Variants in METTL15 observed in about 807,000 individuals in gnomAD.
METTL15 encodes the protein 12S rRNA N(4)-cytidine methyltransferase METTL15.
Under a neutral mutation model 38.3 loss-of-function variants are expected in METTL15, and 34 were observed. The observed-to-expected ratio is 0.89, with a 90% CI of 0.68 to 1.18. The LOEUF is 1.18. Among genes scored for constraint, METTL15 ranks in the 50% most tolerant of loss-of-function variants. The probability of loss-of-function intolerance (pLI) is 0.00; values close to 1 mark genes in which losing one functional copy is unlikely to be tolerated. For missense variants in METTL15, 438 were observed against 498.4 expected, an observed-to-expected ratio of 0.88 and a Z score of 1.15; for synonymous variants, 162 against 170.9, an observed-to-expected ratio of 0.95 and a Z score of 0.41.
intron 4 of METTL15, among the ~76,000 whole-genome samples, chr11:28,278,056 T>G (rs1352837074): frequency 6.6e-6 from 1 of 152,174 alleles, no homozygotes; most frequent in Non-Finnish European, 1.5e-5. Flanking sequence ...CTTGAGGATA[T>G]GCATTATATA....
Position 28,330,972 on chromosome 11 carries a change from T to G in METTL15, c.*131T>G. 1.6e-6 allele frequency: 1 copy of G among 642,300 alleles called. No homozygotes were observed. The allele number at this position is 642,300 out of a possible 1,614,324, so 39.8% of individuals were successfully genotyped here. A position where few individuals can be genotyped will look rare whatever the true frequency, so the allele number is the denominator to read the frequency against. ...GAAAATTGATAGCATTTAGCATTTC[T>G]TTTTTCTCAAAAAGAAACTGTAGGA... On this transcript the variant is annotated 3_prime_UTR_variant, in exon 7 of 7. Coordinates refer to ENST00000407364, the MANE Select transcript of METTL15 (RefSeq NM_001113528.2).
chr11:28,173,008 A>G (rs1022175389), intron 3 of METTL15, among the ~76,000 whole-genome samples: 4 of 152,230 alleles, frequency 2.6e-5, no homozygotes, highest in African/African-American at 9.6e-5. Context: ...TAAAGACTTA[A>G]CGAAACTCTT....
intron 6 of METTL15, among the ~76,000 whole-genome samples, chr11:28,471,796 G>A (rs1331200307): frequency 6.6e-6 from 1 of 151,720 alleles, no homozygotes; most frequent in African/African-American, 2.4e-5. Context: ...TAAATCTCCT[G>A]GTACAGTTGA....
intron 6 of METTL15, chr11:28,328,118 G>T (rs1216139597): frequency 1.2e-6 from 2 of 1,611,506 alleles, no homozygotes; most frequent in Non-Finnish European, 8.5e-7. Flanking sequence ...ATATTTCCCA[G>T]TGGCCCAAAC....
intron 6 of METTL15, among the ~76,000 whole-genome samples, chr11:28,512,288 C>T (rs183049547): frequency 6.6e-5 from 10 of 152,212 alleles, no homozygotes; most frequent in Admixed American, 2.6e-4. Flanking sequence ...GATCCCGCAC[C>T]GGGGCAGCAG....
At chr11:28,197,409 ATTAT>A (rs914211595) in intron 3 of METTL15, 3 of 308,494 alleles carry the variant, frequency 9.7e-6, no homozygotes, top group Admixed American at 3.8e-5. Context: ...GTTTTATAAT[ATTAT>A]TTATTTATAT....
rs933915335 is a variant in METTL15, at chr11:28,279,916, A to G, written c.408-10290A>G. Among the ~76,000 whole-genome samples, 7 of 106,228 alleles carry G rather than the reference A, an allele frequency of 6.6e-5. No individual in the cohort carries two copies. The East Asian group carries it at 2.7e-3, about 41-fold the overall frequency. The allele number at this position is 106,228 out of a possible 152,430, so 69.7% of individuals were successfully genotyped here. A position where few individuals can be genotyped will look rare whatever the true frequency, so the allele number is the denominator to read the frequency against. On this transcript the variant is annotated intron_variant, in intron 4 of 6. Transcript: ENST00000407364. Reference sequence around the variant, plus strand: ...TCTGTCTCAAAAACAAAACAAAACAAAAAAAAAAAAAAAAAGGAAGGCTAA... The same window carrying G: ...TCTGTCTCAAAAACAAAACAAAACAGAAAAAAAAAAAAAAAGGAAGGCTAA...
At chr11:28,379,654 A>G (rs1850360252) in intron 5 of METTL15, among the ~76,000 whole-genome samples, 1 of 152,168 alleles carries the variant, frequency 6.6e-6, no homozygotes, top group Non-Finnish European at 1.5e-5. Context: ...AGAATGTTTC[A>G]TGTACTGATG....
At chr11:28,448,449 G>T (rs1440236611) in intron 6 of METTL15, among the ~76,000 whole-genome samples, 1 of 152,102 alleles carries the variant, frequency 6.6e-6, no homozygotes, top group Non-Finnish European at 1.5e-5. Flanking sequence ...TGCTTCTCAT[G>T]GGTCTTGCAT....
chr11:28,517,528 C>T (rs1851729448), intron 6 of METTL15, among the ~76,000 whole-genome samples: 1 of 152,146 alleles, frequency 6.6e-6, no homozygotes, highest in South Asian at 2.1e-4. Flanking sequence ...TCACTTCTTA[C>T]CTGTTTACCT....
At chr11:28,378,656 C>T (rs1850348237) in intron 5 of METTL15, among the ~76,000 whole-genome samples, 2 of 152,000 alleles carry the variant, frequency 1.3e-5, no homozygotes, top group Non-Finnish European at 2.9e-5. Flanking sequence ...GGAGCTGTTC[C>T]TATTCGGCCA....
At chr11:28,266,728 GT>G (rs1444695315) in intron 4 of METTL15, among the ~76,000 whole-genome samples, 1 of 152,156 alleles carries the variant, frequency 6.6e-6, no homozygotes, top group Non-Finnish European at 1.5e-5. Context: ...ACCTGGATCA[GT>G]GCAACAGTCT....
chr11:28,111,831 G>A (rs1048720359), intron 2 of METTL15, among the ~76,000 whole-genome samples: 7 of 152,176 alleles, frequency 4.6e-5, no homozygotes, highest in African/African-American at 1.7e-4. Context: ...TTTGTAAACT[G>A]TTAGAAACAC....
intron 5 of METTL15, among the ~76,000 whole-genome samples, chr11:28,420,432 C>T (rs1467255383): frequency 2.3e-4 from 35 of 152,092 alleles, no homozygotes; most frequent in African/African-American, 8.4e-4. Flanking sequence ...TTTCCCTTAA[C>T]AAATGGATCA....
At chr11:28,373,377 G>C (rs1190561553) in intron 5 of METTL15, among the ~76,000 whole-genome samples, 1 of 151,982 alleles carries the variant, frequency 6.6e-6, no homozygotes, top group Non-Finnish European at 1.5e-5. Flanking sequence ...GCTAGTGATG[G>C]TGAGCATTTT....
At chr11:28,388,430 G>T (rs1030460175) in intron 5 of METTL15, among the ~76,000 whole-genome samples, 6 of 151,648 alleles carry the variant, frequency 4.0e-5, no homozygotes, top group Non-Finnish European at 8.8e-5. Context: ...AAGGCAAAAA[G>T]GAAATTAAGA....
intron 4 of METTL15, among the ~76,000 whole-genome samples, chr11:28,260,900 G>C (rs967414049): frequency 2.5e-4 from 38 of 152,138 alleles, no homozygotes; most frequent in African/African-American, 9.2e-4. Context: ...ATGGCAAGTA[G>C]ACTATAGTTT....
chr11:28,498,051 CA>C (rs61242332), intron 6 of METTL15, among the ~76,000 whole-genome samples: 137,661 of 139,982 alleles, frequency 0.98, 67,689 homozygotes, highest in South Asian at 1. Context: ...GAGACTGTTT[CA>C]AAAAAAAAAA....
At chr11:28,427,068 G>A (rs1485832982) in intron 6 of METTL15, among the ~76,000 whole-genome samples, 1 of 152,124 alleles carries the variant, frequency 6.6e-6, no homozygotes, top group East Asian at 1.9e-4. Flanking sequence ...ATAGTTTCCA[G>A]TTTTACCTTT....
Sources: gnomAD v4.1 joint callset for allele counts (sites outside exome capture counted in the v4.1 genomes callset) on GRCh38, gnomAD v4.1.1 for gene constraint, MANE v1.5 for transcripts, NCBI Gene and HGNC (gene_info 2026-07-23, HGNC 2026-07-21) for gene names.